Variants in RNF6 observed in about 807,000 individuals in gnomAD.
RNF6 encodes ring finger protein 6.
Under a neutral mutation model 50.1 loss-of-function variants are expected in RNF6, and 21 were observed. The observed-to-expected ratio is 0.42, with a 90% CI of 0.30 to 0.60. RNF6 has a LOEUF of 0.60. Ranked by LOEUF, RNF6 falls within the 20% of genes least tolerant of loss-of-function variation. The probability of loss-of-function intolerance (pLI) is 0.20; values close to 1 mark genes in which losing one functional copy is unlikely to be tolerated. For synonymous variants in RNF6, 255 were observed against 291.8 expected, an observed-to-expected ratio of 0.87 and a Z score of 1.29; for missense variants, 698 against 838.2, an observed-to-expected ratio of 0.83 and a Z score of 2.07.
chr13:26,204,496 C>CAAAAAAAAAAAAAAAAAAAAAAAAAAAAA (rs71080239), intron 5 of RNF6, among the ~76,000 whole-genome samples: 1 of 68,966 alleles, frequency 1.4e-5, no homozygotes, highest in Non-Finnish European at 2.9e-5. Flanking sequence ...GACTCCACCT[C>CAAAAAAAAAAAAAAAAAAAAAAAAAAAAA]AAAAAAAAAA....
chr13:26,198,451 GAAT>G (rs1868764086), intron 5 of RNF6, among the ~76,000 whole-genome samples: 1 of 151,834 alleles, frequency 6.6e-6, no homozygotes, highest in Non-Finnish European at 1.5e-5. Context: ...GAAACATCCA[GAAT>G]AATATCTGAC....
At chr13:26,200,029 C>T (rs1783768593) in intron 5 of RNF6, among the ~76,000 whole-genome samples, 1 of 152,172 alleles carries the variant, frequency 6.6e-6, no homozygotes, top group Admixed American at 6.5e-5. Flanking sequence ...CTTATGAAGA[C>T]AGCCATCTAT....
intron 5 of RNF6, among the ~76,000 whole-genome samples, chr13:26,205,059 G>A (rs576514464): frequency 6.6e-6 from 1 of 152,232 alleles, no homozygotes; most frequent in Middle Eastern, 3.4e-3. Context: ...TGATAAATTG[G>A]CCCAAACTTC....
chr13:26,211,666 G>A (rs996391385), downstream of RNF6, among the ~76,000 whole-genome samples: 1 of 152,142 alleles, frequency 6.6e-6, no homozygotes, highest in African/African-American at 2.4e-5. Context: ...GCTGAGGCAG[G>A]AGAATTGCTT....
intron 5 of RNF6, among the ~76,000 whole-genome samples, chr13:26,165,420 C>G (rs1872403351): frequency 6.6e-6 from 1 of 152,200 alleles, no homozygotes; most frequent in African/African-American, 2.4e-5. Flanking sequence ...CATAGGGAGT[C>G]TCTACTGCGG....
chr13:26,212,232 T>TA (rs1869356297), downstream of RNF6, among the ~76,000 whole-genome samples: 1 of 152,182 alleles, frequency 6.6e-6, no homozygotes, highest in Non-Finnish European at 1.5e-5. Flanking sequence ...AACATCTCTA[T>TA]AAGGTAAGAT....
intron 5 of RNF6, among the ~76,000 whole-genome samples, chr13:26,189,252 C>T (rs1409002850): frequency 2.6e-5 from 4 of 152,014 alleles, no homozygotes; most frequent in South Asian, 2.1e-4. Flanking sequence ...CGCTTGAACC[C>T]GGGAGGCGGA....
intron 5 of RNF6, among the ~76,000 whole-genome samples, chr13:26,187,733 G>A (rs1873623618): frequency 6.6e-6 from 1 of 152,146 alleles, no homozygotes; most frequent in Admixed American, 6.5e-5. Context: ...ATTTGATTTT[G>A]GGGGTTTTTT....
In RNF6 at chr13:26,143,983, C is replaced by T. The variant is rs543144205; in HGVS notation, n.769-11532G>A. Among the ~76,000 whole-genome samples the T allele has an allele frequency of 1.2e-3, 184 of 152,268 alleles. 2 individuals carry two copies. Among genetic ancestry groups the T allele is most frequent in the Middle Eastern group, 0.01 (3 of 294 alleles). On this transcript the variant is annotated intron_variant and non_coding_transcript_variant, in intron 5 of 5. Coordinates refer to the RNF6 transcript ENST00000468480. ...CAAAGCCATGTCCAGAATGTCTATT[C>T]CAGTAAGAATAAAATGCTGCCCCTT... is the stretch of plus-strand genomic sequence containing the variant.
intron 5 of RNF6, among the ~76,000 whole-genome samples, chr13:26,183,675 A>C (rs1282566842): frequency 2.0e-5 from 3 of 152,068 alleles, no homozygotes; most frequent in African/African-American, 7.2e-5. Context: ...GCAGTAAAAA[A>C]TAGTTTTGGA....
intron 5 of RNF6, among the ~76,000 whole-genome samples, chr13:26,176,289 TCTC>T (rs1872953317): frequency 6.6e-6 from 1 of 152,126 alleles, no homozygotes; most frequent in South Asian, 2.1e-4. Context: ...CCCAGTCTCT[TCTC>T]TTTTTTTTAG....
chr13:26,159,055 T>A (rs9512130), intron 5 of RNF6, among the ~76,000 whole-genome samples: 107,496 of 151,970 alleles, frequency 0.71, 38,261 homozygotes, highest in East Asian at 0.83. Flanking sequence ...AATAGAAGTA[T>A]AAATATACTA....
intron 5 of RNF6, among the ~76,000 whole-genome samples, chr13:26,180,878 G>T (rs907386559): frequency 2.6e-5 from 4 of 152,220 alleles, no homozygotes; most frequent in Non-Finnish European, 5.9e-5. Context: ...GGCCCACTGG[G>T]TATTCTAAAG....
At chr13:26,141,140 A>G (rs1870921259) in intron 5 of RNF6, among the ~76,000 whole-genome samples, 1 of 152,212 alleles carries the variant, frequency 6.6e-6, no homozygotes, top group African/African-American at 2.4e-5. Context: ...TAAAATTCAT[A>G]TGGAACCAAA....
At chr13:26,145,142 C>T (rs2137565668) in intron 5 of RNF6, among the ~76,000 whole-genome samples, 1 of 152,290 alleles carries the variant, frequency 6.6e-6, no homozygotes, top group East Asian at 1.9e-4. Flanking sequence ...AAAGGATTTG[C>T]CAGATCAATA....
At chr13:26,148,598 C>G (rs1871371931) in intron 5 of RNF6, among the ~76,000 whole-genome samples, 1 of 108,466 alleles carries the variant, frequency 9.2e-6, no homozygotes, top group African/African-American at 3.6e-5. Flanking sequence ...AGTCTGTGTT[C>G]TCCAGAGAAA....
chr13:26,141,257 A>G (rs1466888684), intron 5 of RNF6, among the ~76,000 whole-genome samples: 2 of 151,976 alleles, frequency 1.3e-5, no homozygotes, highest in African/African-American at 2.4e-5. Flanking sequence ...GTGATACCCC[A>G]TCTCTACTAA....
intron 2 of RNF6, among the ~76,000 whole-genome samples, chr13:26,220,854 C>CT (rs1870409397): frequency 6.6e-6 from 1 of 152,190 alleles, no homozygotes; most frequent in African/African-American, 2.4e-5. Context: ...AAGCAAGCTG[C>CT]TTTAAATATA....
intron 5 of RNF6, among the ~76,000 whole-genome samples, chr13:26,148,729 T>C (rs558614252): frequency 6.6e-4 from 95 of 143,194 alleles, no homozygotes; most frequent in African/African-American, 2.4e-3. Context: ...ATATTTTATA[T>C]ATAGTAAGGA....
Sources: allele counts gnomAD v4.1 joint callset (sites outside exome capture counted in the v4.1 genomes callset), GRCh38; gene constraint gnomAD v4.1.1; transcripts MANE v1.5; gene names NCBI Gene and HGNC (gene_info 2026-07-23, HGNC 2026-07-21).